The following PRMT8 variants were observed in gnomAD, a reference collection of about 807,000 sequenced individuals.
PRMT8 encodes the protein protein arginine methyltransferase 8.
In PRMT8, 7 loss-of-function variants were observed where a neutral mutation model predicts 47.1. The ratio of observed to expected loss-of-function variants is 0.15; its 90% CI spans 0.08 to 0.28. The LOEUF (loss-of-function observed/expected upper bound fraction) is 0.28, where lower values mean the gene tolerates loss of function less well. Ranked by LOEUF, PRMT8 falls within the 10% of genes least tolerant of loss-of-function variation. PRMT8 has a pLI of 1.00. For synonymous variants in PRMT8, 188 were observed against 186.5 expected (o/e 1.01, Z -0.07); for missense variants, 237 against 505.4 (o/e 0.47, Z 5.09).
intron 1 of PRMT8, among the ~76,000 whole-genome samples, chr12:3,438,048 G>A (rs534746500): frequency 2.0e-5 from 3 of 152,184 alleles, no homozygotes; most frequent in Non-Finnish European, 4.4e-5. Flanking sequence ...CTTGCCCTGA[G>A]TCTACGATTC....
intron 1 of PRMT8, among the ~76,000 whole-genome samples, chr12:3,521,340 G>A (rs7132078): frequency 0.058 from 8,845 of 152,208 alleles, 380 homozygotes; most frequent in Non-Finnish European, 0.084. Flanking sequence ...TTGGGAGGCC[G>A]AGGCAGGCGG....
At chr12:3,515,932 G>A (rs1463580721) in intron 1 of PRMT8, among the ~76,000 whole-genome samples, 1 of 152,178 alleles carries the variant, frequency 6.6e-6, no homozygotes, top group Non-Finnish European at 1.5e-5. Flanking sequence ...TCTGTCTTTT[G>A]CTGCTCTTCT....
chr12:3,568,922 G>A, intron 5 of PRMT8, 74 bp downstream of exon 5: 1 of 1,585,534 alleles, frequency 6.3e-7, no homozygotes, highest in Non-Finnish European at 8.6e-7. Context: ...CTGCAGCCTA[G>A]GAGGCATACG....
At chr12:3,471,269 G>A (rs1331066963) in intron 1 of PRMT8, among the ~76,000 whole-genome samples, 4 of 152,150 alleles carry the variant, frequency 2.6e-5, no homozygotes, top group African/African-American at 7.2e-5. Context: ...GTGGGAGTGC[G>A]GTGGCTTGCT....
intron 1 of PRMT8, among the ~76,000 whole-genome samples, chr12:3,476,451 A>C (rs1865216125): frequency 1.3e-5 from 2 of 152,126 alleles, no homozygotes; most frequent in Non-Finnish European, 2.9e-5. Flanking sequence ...ACAGTGAACC[A>C]GGGAAGTGCC....
intron 7 of PRMT8, among the ~76,000 whole-genome samples, chr12:3,577,693 C>T (rs987661719): frequency 6.6e-6 from 1 of 151,818 alleles, no homozygotes; most frequent in Non-Finnish European, 1.5e-5. Flanking sequence ...TTTTTTAGCT[C>T]ATTAGCTATC....
intron 1 of PRMT8, among the ~76,000 whole-genome samples, chr12:3,473,716 T>C (rs1014552633): frequency 1.3e-5 from 2 of 152,126 alleles, no homozygotes; most frequent in African/African-American, 4.8e-5. Context: ...AATCCTCTCC[T>C]TTATTCTGCT....
intron 1 of PRMT8, among the ~76,000 whole-genome samples, chr12:3,497,397 C>T (rs898507682): frequency 1.3e-5 from 2 of 152,200 alleles, no homozygotes; most frequent in African/African-American, 4.8e-5. Context: ...CCAAACTCCT[C>T]GAGTGTCTCA....
intron 1 of PRMT8, among the ~76,000 whole-genome samples, chr12:3,386,866 C>T (rs1364623843): frequency 4.6e-5 from 7 of 152,016 alleles, no homozygotes; most frequent in African/African-American, 7.2e-5. Flanking sequence ...CCTGCCACCA[C>T]GCCTGGCTAA....
At chr12:3,443,582 G>A (rs1864826435) in intron 1 of PRMT8, among the ~76,000 whole-genome samples, 1 of 152,176 alleles carries the variant, frequency 6.6e-6, no homozygotes, top group South Asian at 2.1e-4. Flanking sequence ...CCTGCCTGGA[G>A]CACTACAACA....
In PRMT8 at chr12:3,535,603, C is replaced by T. The variant is rs960180769; in HGVS notation, c.76-5003C>T. ...GAACCCAACAGGACAAGGCTGGAGGCGATGGTGCAGAAACAGGTACCAGAA... is the reference window on the plus strand; with the variant it reads ...GAACCCAACAGGACAAGGCTGGAGGTGATGGTGCAGAAACAGGTACCAGAA... On this transcript the variant is annotated intron_variant, in intron 1 of 9. Transcript: ENST00000382622. The surrounding 1 kb of genome is among the most constrained non-coding windows in gnomAD (Gnocchi z 4.7). Among the ~76,000 whole-genome samples the T allele has an allele frequency of 2.0e-5, 3 of 152,068 alleles. No individual in the cohort carries two copies. Among genetic ancestry groups the T allele is most frequent in the African/African-American group, 4.8e-5 (2 of 41,384 alleles).
At chr12:3,391,533 G>A (rs1248813316) in intron 1 of PRMT8, among the ~76,000 whole-genome samples, 1 of 152,194 alleles carries the variant, frequency 6.6e-6, no homozygotes, top group Non-Finnish European at 1.5e-5. Flanking sequence ...GAAGAGTTTG[G>A]AGAAGTGACC....
chr12:3,534,333 G>C (rs907463764), intron 1 of PRMT8, among the ~76,000 whole-genome samples: 4 of 152,196 alleles, frequency 2.6e-5, no homozygotes, highest in African/African-American at 7.2e-5. Flanking sequence ...TAGCCCAAAG[G>C]GCTTAGGTTC....
intron 1 of PRMT8, among the ~76,000 whole-genome samples, chr12:3,494,979 G>A (rs770661356): frequency 1.3e-5 from 2 of 152,204 alleles, no homozygotes; most frequent in Non-Finnish European, 2.9e-5. Flanking sequence ...ACTCAGCTAT[G>A]CTTCTCTTCC....
intron 2 of PRMT8, among the ~76,000 whole-genome samples, chr12:3,542,883 C>T (rs867217013): frequency 6.6e-6 from 1 of 152,258 alleles, no homozygotes; most frequent in Non-Finnish European, 1.5e-5. Flanking sequence ...AGAGCAAAGG[C>T]TTGTTGACAT....
intron 1 of PRMT8, among the ~76,000 whole-genome samples, chr12:3,461,275 C>T (rs1565413543): frequency 2.0e-5 from 3 of 152,142 alleles, no homozygotes; most frequent in Non-Finnish European, 2.9e-5. Flanking sequence ...TTTCCCACTT[C>T]GCAGCTATTC....
At chr12:3,483,142 G>T (rs962554976) in intron 1 of PRMT8, among the ~76,000 whole-genome samples, 1 of 152,178 alleles carries the variant, frequency 6.6e-6, no homozygotes, top group African/African-American at 2.4e-5. Context: ...GGCTGCTGTG[G>T]GGATTGGTGG....
chr12:3,522,635 C>A (rs147532971), intron 1 of PRMT8, among the ~76,000 whole-genome samples: 2 of 138,232 alleles, frequency 1.4e-5, no homozygotes, highest in African/African-American at 5.5e-5. Context: ...TGCACTCCAG[C>A]CTGAGACTCC....
chr12:3,488,644 C>G (rs557881294), upstream of PRMT8, among the ~76,000 whole-genome samples: 1 of 152,314 alleles, frequency 6.6e-6, no homozygotes, highest in East Asian at 1.9e-4. Flanking sequence ...TATTAATGAG[C>G]TGGGCATTTA....
Sources: gnomAD v4.1 joint callset for allele counts (sites outside exome capture counted in the v4.1 genomes callset) on GRCh38, gnomAD v4.1.1 for gene constraint, Gnocchi (gnomAD v3.1) non-coding constraint, MANE v1.5 for transcripts, NCBI Gene and HGNC (gene_info 2026-07-23, HGNC 2026-07-21) for gene names.